The following EXOC6B variants were observed in gnomAD, a reference collection of about 807,000 sequenced individuals.
EXOC6B encodes SEC15 homolog B.
A neutral mutation model predicts 113.5 loss-of-function variants in EXOC6B; 54 were observed. That is an observed-to-expected ratio of 0.48 (90% CI 0.38 to 0.60). The LOEUF is 0.60. EXOC6B is among the 20% of genes least tolerant of loss of function. EXOC6B has a pLI of 0.00. For missense variants in EXOC6B, 797 were observed against 977.5 expected, an observed-to-expected ratio of 0.82 and a Z score of 2.46; for synonymous variants, 357 against 339.0, an observed-to-expected ratio of 1.05 and a Z score of -0.58.
At chr2:72,291,164 C>G (rs894327486) in intron 20 of EXOC6B, among the ~76,000 whole-genome samples, 2 of 151,984 alleles carry the variant, frequency 1.3e-5, no homozygotes, top group Non-Finnish European at 1.5e-5. Flanking sequence ...ACAATTTGAC[C>G]GAGGATATAT....
intron 1 of EXOC6B, among the ~76,000 whole-genome samples, chr2:72,767,292 G>T (rs1383068214): frequency 6.6e-6 from 1 of 151,964 alleles, no homozygotes; most frequent in Non-Finnish European, 1.5e-5. Context: ...TTAGCAGGGT[G>T]TAGTGCCGGG....
At chr2:72,626,696 T>C (rs1394068753) in intron 6 of EXOC6B, among the ~76,000 whole-genome samples, 2 of 152,190 alleles carry the variant, frequency 1.3e-5, no homozygotes, top group East Asian at 3.9e-4. Context: ...CTTTTAACAC[T>C]TTTTGGTATC....
intron 8 of EXOC6B, among the ~76,000 whole-genome samples, chr2:72,551,681 T>C (rs1329513180): frequency 6.7e-6 from 1 of 150,004 alleles, no homozygotes; most frequent in Non-Finnish European, 1.5e-5. Context: ...ATTTTTTTTT[T>C]GTATTTTTAG....
intron 18 of EXOC6B, among the ~76,000 whole-genome samples, chr2:72,427,872 C>A (rs1416766363): frequency 6.6e-6 from 1 of 152,180 alleles, no homozygotes; most frequent in Non-Finnish European, 1.5e-5. Flanking sequence ...AATTGGCACA[C>A]ACTTCCTCCC....
chr2:72,368,242 G>T (rs1020117952), intron 19 of EXOC6B, among the ~76,000 whole-genome samples: 1 of 152,132 alleles, frequency 6.6e-6, no homozygotes, highest in Non-Finnish European at 1.5e-5. Context: ...ACACCTCTAC[G>T]CAGATAAACT....
intron 6 of EXOC6B, among the ~76,000 whole-genome samples, chr2:72,587,215 C>T (rs927940809): frequency 1.5e-4 from 23 of 152,158 alleles, no homozygotes; most frequent in African/African-American, 5.3e-4. Flanking sequence ...ACATATACAT[C>T]ATGGAATACT....
intron 6 of EXOC6B, among the ~76,000 whole-genome samples, chr2:72,576,268 T>C (rs1704847314): frequency 6.6e-6 from 1 of 152,002 alleles, no homozygotes. Context: ...CTGTGATCTG[T>C]GGAAAGCAGG....
At chr2:72,688,554 G>A (rs944059415) in intron 6 of EXOC6B, among the ~76,000 whole-genome samples, 2 of 151,996 alleles carry the variant, frequency 1.3e-5, no homozygotes, top group Admixed American at 6.6e-5. Context: ...GGCAGGGGCA[G>A]GGGGCAGGAG....
intron 17 of EXOC6B, among the ~76,000 whole-genome samples, chr2:72,479,272 T>TA (rs1469956963): frequency 1.3e-5 from 2 of 152,304 alleles, no homozygotes; most frequent in East Asian, 1.9e-4. Flanking sequence ...CATAGATACA[T>TA]AAAGAATACT....
At chr2:72,680,487 C>T (rs1676620901) in intron 6 of EXOC6B, among the ~76,000 whole-genome samples, 1 of 152,158 alleles carries the variant, frequency 6.6e-6, no homozygotes, top group Non-Finnish European at 1.5e-5. Context: ...CGCCTGTAAT[C>T]CCAGCACTTT....
intron 8 of EXOC6B, among the ~76,000 whole-genome samples, chr2:72,542,870 T>G (rs1475064162): frequency 6.6e-6 from 1 of 151,896 alleles, no homozygotes; most frequent in African/African-American, 2.4e-5. Context: ...AATTTAAAAA[T>G]GAACAAACAA....
chr2:72,279,959 T>C (rs1685035227), intron 20 of EXOC6B, among the ~76,000 whole-genome samples: 1 of 152,156 alleles, frequency 6.6e-6, no homozygotes, highest in Non-Finnish European at 1.5e-5. Flanking sequence ...CTGAGCCATT[T>C]AGAAACTCAT....
At chr2:72,706,475 G>A (rs777564263) in intron 6 of EXOC6B, among the ~76,000 whole-genome samples, 4 of 152,170 alleles carry the variant, frequency 2.6e-5, no homozygotes, top group South Asian at 2.1e-4. Flanking sequence ...GGCTCAAAGC[G>A]ATCCTCCTGC....
intron 6 of EXOC6B, among the ~76,000 whole-genome samples, chr2:72,653,970 ATTTTT>A (rs58589218): frequency 7.3e-6 from 1 of 136,428 alleles, no homozygotes; most frequent in Non-Finnish European, 1.6e-5. Context: ...AATTTTATTT[ATTTTT>A]TTTTTTTTTT....
At chr2:72,495,897 T>A (rs889703255) in intron 14 of EXOC6B, among the ~76,000 whole-genome samples, 1 of 152,180 alleles carries the variant, frequency 6.6e-6, no homozygotes. Context: ...TCCATTTATA[T>A]GGCATTCTGA....
At chr2:72,794,772 A>G (rs550148966) in intron 1 of EXOC6B, among the ~76,000 whole-genome samples, 1 of 152,364 alleles carries the variant, frequency 6.6e-6, no homozygotes, top group Admixed American at 6.5e-5. Flanking sequence ...AATACATAAA[A>G]TAGGAAATAG....
intron 19 of EXOC6B, among the ~76,000 whole-genome samples, chr2:72,370,699 C>T (rs1489147302): frequency 6.6e-6 from 1 of 152,112 alleles, no homozygotes; most frequent in African/African-American, 2.4e-5. Context: ...ATGATGAGTT[C>T]ATGTCCTTTG....
intron 20 of EXOC6B, among the ~76,000 whole-genome samples, chr2:72,237,412 T>C (rs892724048): frequency 6.6e-6 from 1 of 152,158 alleles, no homozygotes; most frequent in Non-Finnish European, 1.5e-5. Context: ...ATCAAACATG[T>C]TTAATAGAAG....
chr2:72,280,189 A>T (rs1306780339), intron 20 of EXOC6B, among the ~76,000 whole-genome samples: 4 of 151,040 alleles, frequency 2.6e-5, no homozygotes, highest in Non-Finnish European at 5.9e-5. Context: ...CTTTACTTTT[A>T]TTTCTCTGTT....
Sources: allele counts gnomAD v4.1 joint callset (sites outside exome capture counted in the v4.1 genomes callset), GRCh38; gene constraint gnomAD v4.1.1; transcripts MANE v1.5; gene names NCBI Gene and HGNC (gene_info 2026-07-23, HGNC 2026-07-21).